ACYP2: variants seen among roughly 807,000 people sequenced by gnomAD.
ACYP2 encodes acylphosphatase 2, also known as acylphosphatase-2.
In ACYP2, 12 loss-of-function variants were observed where a neutral mutation model predicts 11.2. The observed-to-expected ratio is 1.08, with a 90% CI of 0.69 to 1.74. The LOEUF is 1.74. Among genes scored for constraint, ACYP2 ranks in the 40% most tolerant of loss-of-function variants. The pLI, the probability that ACYP2 is intolerant of heterozygous loss-of-function variation, is 0.00. For missense variants in ACYP2, 134 were observed against 101.9 expected (o/e 1.31, Z -1.35); for synonymous variants, 43 against 32.2 (o/e 1.33, Z -1.13).
chr2:54,187,292 C>T (rs1183668397), intron 6 of ACYP2, among the ~76,000 whole-genome samples: 1 of 152,172 alleles, frequency 6.6e-6, no homozygotes, highest in Non-Finnish European at 1.5e-5. Context: ...TTACAAACCT[C>T]AGGGATGTCA....
At chr2:54,029,606 G>T in intron 2 of ACYP2, 1 of 385,304 alleles carries the variant, frequency 2.6e-6, no homozygotes, top group African/African-American at 2.1e-5. Flanking sequence ...CTTTCTCTTT[G>T]GCTTCCTTCT....
intron 2 of ACYP2, among the ~76,000 whole-genome samples, chr2:53,991,916 C>T (rs1459220197): frequency 7.2e-5 from 11 of 152,032 alleles, no homozygotes; most frequent in Non-Finnish European, 1.6e-4. Context: ...ATCCTCCTGC[C>T]AAGCCTCCCA....
At chr2:54,017,702 G>C (rs1355655841) in intron 2 of ACYP2, among the ~76,000 whole-genome samples, 4 of 152,146 alleles carry the variant, frequency 2.6e-5, no homozygotes, top group African/African-American at 9.7e-5. Flanking sequence ...ATGAAAAATA[G>C]TATTCCTTTA....
At chr2:54,252,624 A>C (rs184759237) in intron 6 of ACYP2, among the ~76,000 whole-genome samples, 9 of 152,264 alleles carry the variant, frequency 5.9e-5, no homozygotes, top group Admixed American at 5.2e-4. Flanking sequence ...GAAAGATCCC[A>C]TTGGCATAAT....
chr2:53,997,041 A>C lies in ACYP2; in HGVS notation c.62+23231A>C, dbSNP rs563692023. On this transcript the variant is annotated intron_variant, in intron 2 of 6. Transcript: ENST00000607452. ...ATATAACTTTGTGTCCTCTGTGGTCAACATATGTGGAACCTATTCACTATC... is the reference window on the plus strand; with the variant it reads ...ATATAACTTTGTGTCCTCTGTGGTCCACATATGTGGAACCTATTCACTATC... Among the ~76,000 whole-genome samples the C allele has an allele frequency of 2.0e-5, 3 of 152,306 alleles. No homozygotes were observed. In the East Asian group the frequency reaches 5.8e-4, roughly 29 times the overall value.
At chr2:54,279,252 G>A (rs1185520557) in intron 6 of ACYP2, among the ~76,000 whole-genome samples, 1 of 152,140 alleles carries the variant, frequency 6.6e-6, no homozygotes, top group Non-Finnish European at 1.5e-5. Flanking sequence ...GCTTGTTTTT[G>A]TAAATCAAGT....
chr2:54,194,083 G>A lies in ACYP2; in HGVS notation c.404+55335G>A, dbSNP rs537398734. Among the ~76,000 whole-genome samples, 5 of 152,164 alleles carry A rather than the reference G, an allele frequency of 3.3e-5. No individual in the cohort carries two copies. In the South Asian group the frequency reaches 6.2e-4, roughly 19 times the overall value. On this transcript the variant is annotated intron_variant, in intron 6 of 6. Coordinates refer to ENST00000607452, the MANE Select transcript of ACYP2 (RefSeq NM_001320586.2). ...AGATGGAGTCTCCCTCTGTCACCCA[G>A]GCTGGAGTGCAATGGCACGATCTAG...
intron 6 of ACYP2, chr2:54,267,206 G>T: frequency 7.4e-7 from 1 of 1,350,752 alleles, no homozygotes; most frequent in Non-Finnish European, 1.0e-6. Context: ...GTTTTTTAGG[G>T]GCCTATAAAA....
At chr2:54,150,657 G>A (rs1682113251) in intron 6 of ACYP2, among the ~76,000 whole-genome samples, 1 of 152,082 alleles carries the variant, frequency 6.6e-6, no homozygotes, top group Non-Finnish European at 1.5e-5. Context: ...CCTGACCTGG[G>A]GTGATCGGCC....
intron 4 of ACYP2, among the ~76,000 whole-genome samples, chr2:54,130,046 GT>G (rs1371052728): frequency 3.3e-5 from 5 of 152,024 alleles, no homozygotes; most frequent in Non-Finnish European, 7.4e-5. Context: ...TGGTCTAGGT[GT>G]TGGGGACACA....
intron 6 of ACYP2, among the ~76,000 whole-genome samples, chr2:54,224,855 T>A (rs1381929954): frequency 6.6e-6 from 1 of 152,188 alleles, no homozygotes. Context: ...GAAAGAAATA[T>A]ACATGAAAGT....
At chr2:54,103,359 A>T (rs1229366257) in intron 4 of ACYP2, among the ~76,000 whole-genome samples, 1 of 152,190 alleles carries the variant, frequency 6.6e-6, no homozygotes, top group African/African-American at 2.4e-5. Flanking sequence ...TTTATGAGTT[A>T]TCTGTCCATT....
At chr2:54,014,581 A>G (rs1265240604) in intron 2 of ACYP2, among the ~76,000 whole-genome samples, 1 of 152,116 alleles carries the variant, frequency 6.6e-6, no homozygotes, top group Non-Finnish European at 1.5e-5. Flanking sequence ...TTGGCCTCCC[A>G]AAGTGCTGGG....
At chr2:54,210,803 T>C (rs1685303575) in intron 6 of ACYP2, among the ~76,000 whole-genome samples, 1 of 152,158 alleles carries the variant, frequency 6.6e-6, no homozygotes, top group Admixed American at 6.5e-5. Context: ...ACTTGGTAAC[T>C]CTTTAAAGCT....
intron 4 of ACYP2, among the ~76,000 whole-genome samples, chr2:54,064,744 T>G (rs1446756737): frequency 2.6e-5 from 4 of 152,162 alleles, no homozygotes; most frequent in Non-Finnish European, 2.9e-5. Flanking sequence ...AGGACCAAGT[T>G]TGCATTTGGA....
Position 54,136,027 on chromosome 2 carries a change from A to C in ACYP2, c.294+558A>C, listed in dbSNP as rs529082162. On this transcript the variant is annotated intron_variant, in intron 5 of 6. Transcript: ENST00000607452. The stretch of plus-strand genomic sequence containing the variant: ...ATTCTCCTGCCTCACCCTCCCAAGT[A>C]GCTGGGATTACACAGGTGCCTGCTA... Among the ~76,000 whole-genome samples, 243 of 152,280 alleles carry C rather than the reference A, an allele frequency of 1.6e-3. No individual in the cohort carries two copies. In the Middle Eastern group the frequency reaches 0.027, roughly 17 times the overall value.
intron 6 of ACYP2, among the ~76,000 whole-genome samples, chr2:54,198,339 ACT>A (rs1474058218): frequency 6.6e-6 from 1 of 151,910 alleles, no homozygotes; most frequent in Non-Finnish European, 1.5e-5. Flanking sequence ...TAAAAAGAAC[ACT>A]CTGGCTGCTG....
intron 6 of ACYP2, among the ~76,000 whole-genome samples, chr2:54,179,438 C>G (rs184841081): frequency 1.3e-5 from 2 of 151,990 alleles, no homozygotes; most frequent in Non-Finnish European, 2.9e-5. Flanking sequence ...GGCAAGTCGG[C>G]GGAGTAAAGT....
chr2:54,243,483 T>G (rs1327508602), intron 6 of ACYP2, among the ~76,000 whole-genome samples: 1 of 152,180 alleles, frequency 6.6e-6, no homozygotes, highest in African/African-American at 2.4e-5. Flanking sequence ...TATTTATTTA[T>G]TTATTTGTTC....
Sources: gnomAD v4.1 joint callset for allele counts (sites outside exome capture counted in the v4.1 genomes callset) on GRCh38, gnomAD v4.1.1 for gene constraint, MANE v1.5 for transcripts, NCBI Gene and HGNC (gene_info 2026-07-23, HGNC 2026-07-21) for gene names.